TSPAN15: variants seen among roughly 807,000 people sequenced by gnomAD.
TSPAN15 encodes the protein tetraspanin 15.
In TSPAN15, 20 loss-of-function variants were observed where a neutral mutation model predicts 34.5. The observed-to-expected ratio is 0.58, with a 90% CI of 0.41 to 0.84. The LOEUF (loss-of-function observed/expected upper bound fraction) is 0.84, where lower values mean the gene tolerates loss of function less well. Among genes scored for constraint, TSPAN15 ranks in the 40% least tolerant of loss-of-function variants. The pLI is 0.00. For missense variants in TSPAN15, 313 were observed against 386.1 expected (o/e 0.81, Z 1.59); for synonymous variants, 155 against 153.9 (o/e 1.01, Z -0.05).
the TSPAN15 span, among the ~76,000 whole-genome samples, chr10:69,527,119 A>C: frequency 1.4e-5 from 2 of 148,124 alleles, no homozygotes; most frequent in Non-Finnish European, 1.5e-5. Flanking sequence ...TGTTATGTCC[A>C]TACAGTGGAA....
At chr10:69,455,959 A>G (rs2133054957) in intron 1 of TSPAN15, among the ~76,000 whole-genome samples, 1 of 152,194 alleles carries the variant, frequency 6.6e-6, no homozygotes, top group African/African-American at 2.4e-5. Flanking sequence ...CCACTGGATT[A>G]TCTAGCAGTA....
intron 1 of TSPAN15, among the ~76,000 whole-genome samples, chr10:69,481,066 A>C (rs1039745384): frequency 6.6e-6 from 1 of 152,054 alleles, no homozygotes; most frequent in Non-Finnish European, 1.5e-5. Context: ...GCTGCCCCCA[A>C]ACAGTGATTT....
intron 1 of TSPAN15, among the ~76,000 whole-genome samples, chr10:69,473,465 G>A (rs1303076316): frequency 6.6e-6 from 1 of 152,184 alleles, no homozygotes; most frequent in African/African-American, 2.4e-5. Context: ...CCTTGGGCTG[G>A]GTGGGAGAGC....
chr10:69,502,993 G>A (rs1252616117), intron 5 of TSPAN15, among the ~76,000 whole-genome samples: 2 of 152,228 alleles, frequency 1.3e-5, no homozygotes, highest in Non-Finnish European at 2.9e-5. Flanking sequence ...TGCAATAGGT[G>A]CTCAGTTAAT....
the TSPAN15 span, among the ~76,000 whole-genome samples, chr10:69,539,540 AGAAGGAGAAGG>A: frequency 0.01 from 527 of 50,686 alleles, 31 homozygotes; most frequent in South Asian, 0.016. Flanking sequence ...AAGAAGAAGG[AGAAGGAGAAGG>A]AGAAGGAGAA....
In TSPAN15 at chr10:69,506,974, A is replaced by G. The variant is rs764444203; in HGVS notation, c.881A>G (p.Asn294Ser). Reference protein sequence around the residue: ...AGTGCCLCYPN With the variant: ...AGTGCCLCYPS Reference sequence around the variant, plus strand: ...ACGGGATGCTGCTTGTGCTACCCCAATTAGGGCCCAGCCTGCCATGGCAGC... The same window carrying G: ...ACGGGATGCTGCTTGTGCTACCCCAGTTAGGGCCCAGCCTGCCATGGCAGC... Residue 294 changes from asparagine (N) to serine (S), a missense_variant, in exon 8 of 8, where the codon AAT (asparagine) becomes AGT (serine). Coordinates refer to ENST00000373290, the MANE Select transcript of TSPAN15 (RefSeq NM_012339.5). This position sits in a 1 kb window ranked among gnomAD's most constrained non-coding sequence, Gnocchi z 4.7. 64 of 1,608,146 alleles carry G rather than the reference A, an allele frequency of 4.0e-5. No individual in the cohort carries two copies. Among genetic ancestry groups the G allele is most frequent in the African/African-American group, 1.6e-4 (12 of 75,004 alleles).
At chr10:69,505,600 G>A (rs964064034) in intron 6 of TSPAN15, among the ~76,000 whole-genome samples, 1 of 150,482 alleles carries the variant, frequency 6.6e-6, no homozygotes. Context: ...GAGACAGACA[G>A]GGTCTCACTG....
chr10:69,492,933 C>T (rs766037030), intron 3 of TSPAN15, among the ~76,000 whole-genome samples: 3 of 152,168 alleles, frequency 2.0e-5, no homozygotes, highest in African/African-American at 4.8e-5. Context: ...GGAAGCCACC[C>T]GGGAGGAACC....
chr10:69,505,931 C>T, intron 6 of TSPAN15, 193 bp from the exon 7 acceptor site: 1 of 480,640 alleles, frequency 2.1e-6, no homozygotes, highest in East Asian at 3.1e-5. Context: ...ACGGTGTCCC[C>T]AGTCCTCTCT....
chr10:69,519,535 G>A, the TSPAN15 span, among the ~76,000 whole-genome samples: 5 of 152,312 alleles, frequency 3.3e-5, no homozygotes, highest in East Asian at 9.6e-4. Flanking sequence ...AAATGCGCCT[G>A]TGGATCAAAT....
the TSPAN15 span, chr10:69,523,326 C>T: frequency 1.0e-5 from 5 of 500,926 alleles, no homozygotes; most frequent in Non-Finnish European, 7.2e-6. Context: ...CCAAAGAAAG[C>T]CAGCCCAAGA....
At chr10:69,452,373 T>C (rs1840992128) in intron 1 of TSPAN15, among the ~76,000 whole-genome samples, 1 of 152,240 alleles carries the variant, frequency 6.6e-6, no homozygotes, top group South Asian at 2.1e-4. Context: ...TTTTATATTT[T>C]ATTTTTTATT....
At chr10:69,537,365 A>T in the TSPAN15 span, among the ~76,000 whole-genome samples, 1 of 152,196 alleles carries the variant, frequency 6.6e-6, no homozygotes, top group Non-Finnish European at 1.5e-5. Context: ...AACATCGTAA[A>T]GTTGAAAAAT....
downstream of TSPAN15, among the ~76,000 whole-genome samples, chr10:69,512,496 G>A (rs1314704699): frequency 6.6e-6 from 1 of 152,190 alleles, no homozygotes; most frequent in Non-Finnish European, 1.5e-5. Context: ...AAATGTGTCA[G>A]TGAAACCATC....
At chr10:69,502,490 G>C (rs1466505195) in intron 5 of TSPAN15, among the ~76,000 whole-genome samples, 1 of 152,182 alleles carries the variant, frequency 6.6e-6, no homozygotes, top group Admixed American at 6.5e-5. Context: ...ACATTGCTGT[G>C]ATCTTCTGGC....
At chr10:69,484,289 T>C (rs564696889) in intron 2 of TSPAN15, among the ~76,000 whole-genome samples, 10 of 152,290 alleles carry the variant, frequency 6.6e-5, no homozygotes, top group Admixed American at 2.0e-4. Flanking sequence ...CCGGGGCTGC[T>C]CCCTTTGCAG....
chr10:69,513,131 T>G, the TSPAN15 span, among the ~76,000 whole-genome samples: 1 of 152,330 alleles, frequency 6.6e-6, no homozygotes, highest in Non-Finnish European at 1.5e-5. Context: ...TGCTAATGGG[T>G]GTGTGGTGGT....
intron 3 of TSPAN15, among the ~76,000 whole-genome samples, chr10:69,488,903 C>T (rs1414481159): frequency 1.3e-5 from 2 of 152,316 alleles, no homozygotes; most frequent in Middle Eastern, 3.4e-3. Flanking sequence ...TGATAAGGGT[C>T]TACCTTCAGT....
chr10:69,465,580 C>T (rs1323282328), intron 1 of TSPAN15, among the ~76,000 whole-genome samples: 1 of 152,188 alleles, frequency 6.6e-6, no homozygotes, highest in Admixed American at 6.5e-5. Context: ...GCCATTCTCT[C>T]ACTTCAACCT....
Sources: allele counts gnomAD v4.1 joint callset (sites outside exome capture counted in the v4.1 genomes callset), GRCh38; gene constraint gnomAD v4.1.1; non-coding constraint Gnocchi (gnomAD v3.1); transcripts MANE v1.5; gene names NCBI Gene and HGNC (gene_info 2026-07-23, HGNC 2026-07-21).